Variants in OSBPL3 observed in about 807,000 individuals in gnomAD.
OSBPL3 encodes the protein oxysterol binding protein like 3, also known as oxysterol-binding protein-related protein 3.
A neutral mutation model predicts 120.1 loss-of-function variants in OSBPL3; 65 were observed. That is an observed-to-expected ratio of 0.54 (90% CI 0.44 to 0.67). The LOEUF (loss-of-function observed/expected upper bound fraction) is 0.67, where lower values mean the gene tolerates loss of function less well. Ranked by LOEUF, OSBPL3 falls within the 30% of genes least tolerant of loss-of-function variation. OSBPL3 has a pLI of 0.00. For missense variants in OSBPL3, 1,004 were observed against 1,082.1 expected (o/e 0.93, Z 1.01); for synonymous variants, 416 against 402.6 (o/e 1.03, Z -0.40).
rs566386949 is a variant in OSBPL3 at position 24,805,614 on chromosome 7, C to T, written c.2444+1162G>A. Among the ~76,000 whole-genome samples, 6 of 152,214 alleles carry T rather than the reference C, an allele frequency of 3.9e-5. No individual in the cohort carries two copies. Among genetic ancestry groups the T allele is most frequent in the South Asian group, 4.1e-4 (2 of 4,824 alleles). On this transcript the variant is annotated intron_variant, in intron 21 of 22. Coordinates refer to ENST00000313367, the MANE Select transcript of OSBPL3 (RefSeq NM_015550.4). The surrounding 1 kb of genome is among the most constrained non-coding windows in gnomAD (Gnocchi z 4.0). ...TCCCTAAAAAAGTAGACAAACTGCA[C>T]GAAACAGTACAAGCATAATGTGCAT...
At chr7:24,970,288 G>A (rs940872327) in intron 1 of OSBPL3, among the ~76,000 whole-genome samples, 2 of 151,780 alleles carry the variant, frequency 1.3e-5, no homozygotes, top group Non-Finnish European at 2.9e-5. Context: ...TGTATTTTTA[G>A]TAGAGACTTG....
intron 1 of OSBPL3, among the ~76,000 whole-genome samples, chr7:24,921,412 G>A (rs1304806001): frequency 6.6e-6 from 1 of 152,188 alleles, no homozygotes; most frequent in South Asian, 2.1e-4. Context: ...TTGAGGCTGA[G>A]TTCCAAAAGG....
intron 1 of OSBPL3, among the ~76,000 whole-genome samples, chr7:24,935,978 AC>A (rs1562987948): frequency 6.6e-6 from 1 of 151,822 alleles, no homozygotes; most frequent in Non-Finnish European, 1.5e-5. Flanking sequence ...GGTGTGCTGC[AC>A]CCATTAACTT....
rs1796398359 is a variant in OSBPL3 at position 24,831,827 on chromosome 7, T to TTTTG, written c.1747-926_1747-923dup. On this transcript the variant is annotated intron_variant, in intron 15 of 22. Coordinates refer to ENST00000313367, the MANE Select transcript of OSBPL3 (RefSeq NM_015550.4). The surrounding 1 kb of genome is among the most constrained non-coding windows in gnomAD (Gnocchi z 4.0). ...CTAGTCACATAACCTTCTGCTAAAT[T>TTTTG]TTTGATGTTGCCTGTAATAGGGACC... Among the ~76,000 whole-genome samples, 2 of 152,220 alleles carry TTTTG rather than the reference T, an allele frequency of 1.3e-5. No individual in the cohort carries two copies. Among genetic ancestry groups the TTTTG allele is most frequent in the African/African-American group, 4.8e-5 (2 of 41,460 alleles).
chr7:24,830,252 G>A lies in OSBPL3; in HGVS notation c.1884+516C>T, dbSNP rs979266156. Among the ~76,000 whole-genome samples the A allele has an allele frequency of 3.3e-5, 5 of 152,002 alleles. No individual in the cohort carries two copies. Among genetic ancestry groups the A allele is most frequent in the African/African-American group, 1.2e-4 (5 of 41,372 alleles). On this transcript the variant is annotated intron_variant, in intron 16 of 22. Transcript: ENST00000313367. The surrounding 1 kb of genome is among the most constrained non-coding windows in gnomAD (Gnocchi z 4.4). ...CGGACCCCTCACCCCCCACCCCACT[G>A]CAATATCCTAGCACCTGGAACAGTG...
chr7:24,980,735 C>G (rs562098520), upstream of OSBPL3, among the ~76,000 whole-genome samples: 2 of 152,034 alleles, frequency 1.3e-5, no homozygotes, highest in Admixed American at 6.6e-5. Flanking sequence ...CAGTGTGAGA[C>G]CCGGGGCTCG....
chr7:24,941,230 A>G (rs546674175), intron 1 of OSBPL3, among the ~76,000 whole-genome samples: 1 of 152,318 alleles, frequency 6.6e-6, no homozygotes, highest in African/African-American at 2.4e-5. Flanking sequence ...AAATCCTAAA[A>G]ATTCCAGTCT....
chr7:24,968,022 T>C lies in OSBPL3; in HGVS notation c.-150+11864A>G, dbSNP rs1816584010. On this transcript the variant is annotated intron_variant, in intron 1 of 22. Transcript: ENST00000313367. The surrounding 1 kb of genome is among the most constrained non-coding windows in gnomAD (Gnocchi z 4.6). The stretch of plus-strand genomic sequence containing the variant: ...GAAACTCTGCAGTTACTTTTTGGTT[T>C]GCTTTATATATTTACTTGGAGTAAT... Among the ~76,000 whole-genome samples the C allele has an allele frequency of 6.6e-6, 1 of 152,238 alleles. No individual in the cohort carries two copies. The highest frequency in any genetic ancestry group is 2.1e-4 in the South Asian group (1 of 4,830).
At chr7:24,969,564 T>C (rs1297613346) in intron 1 of OSBPL3, among the ~76,000 whole-genome samples, 1 of 152,190 alleles carries the variant, frequency 6.6e-6, no homozygotes, top group Non-Finnish European at 1.5e-5. Context: ...GTGTATTGTA[T>C]TTTTTTGTAT....
At position 24,896,496 on chromosome 7, in the gene OSBPL3, A is replaced by C. The variant is rs1407296909; in HGVS notation, c.-149-3875T>G. 6.6e-6 allele frequency among the ~76,000 whole-genome samples: 1 copy of C among 152,232 alleles called. No homozygotes were observed. The highest frequency in any genetic ancestry group is 1.9e-4 in the East Asian group (1 of 5,202). On this transcript the variant is annotated intron_variant, in intron 1 of 22. Transcript: ENST00000313367. This position sits in a 1 kb window ranked among gnomAD's most constrained non-coding sequence, Gnocchi z 4.4. ...AAGAGAACCCTGATTTCTACCCAGA[A>C]TGGGGAAGAATAAATGACCAACGCA...
At chr7:24,906,409 G>T in intron 1 of OSBPL3, 1 of 253,800 alleles carries the variant, frequency 3.9e-6, no homozygotes, top group South Asian at 4.6e-5. Context: ...AATGGAGTAG[G>T]AGGAACCTTT....
chr7:24,915,147 C>T (rs551616979), intron 1 of OSBPL3, among the ~76,000 whole-genome samples: 6 of 152,218 alleles, frequency 3.9e-5, no homozygotes, highest in African/African-American at 1.4e-4. Context: ...AAGAGGGTTC[C>T]CACACAGCTC....
rs139913163 is a variant in OSBPL3 at position 24,894,160 on chromosome 7, TAA to T, written c.-149-1541_-149-1540del. On this transcript the variant is annotated intron_variant, in intron 1 of 22. Coordinates refer to ENST00000313367, the MANE Select transcript of OSBPL3 (RefSeq NM_015550.4). This position sits in a 1 kb window ranked among gnomAD's most constrained non-coding sequence, Gnocchi z 4.1. ...TCATTAACACTTAGTTCTTCAAAAA[TAA>T]AAAAGAGTACATTAAAGCAATAAGC... is the stretch of plus-strand genomic sequence containing the variant. Among the ~76,000 whole-genome samples the T allele has an allele frequency of 6.6e-6, 1 of 151,798 alleles. No homozygotes were observed. Among genetic ancestry groups the T allele is most frequent in the African/African-American group, 2.4e-5 (1 of 41,252 alleles).
In OSBPL3 at chr7:24,966,041, C is replaced by T. The variant is rs1266236026; in HGVS notation, c.-150+13845G>A. On this transcript the variant is annotated intron_variant, in intron 1 of 22. Transcript: ENST00000313367. This position sits in a 1 kb window ranked among gnomAD's most constrained non-coding sequence, Gnocchi z 4.8. ...TCCATTGACACCTGGCTAAGTCTCA[C>T]ACAAGTCATCTGAGAGAGAGGAGAA... 2.6e-5 allele frequency among the ~76,000 whole-genome samples: 4 copies of T among 152,162 alleles called. No homozygotes were observed. The highest frequency in any genetic ancestry group is 6.5e-5 in the Admixed American group (1 of 15,282).
chr7:24,976,657 C>T (rs1405551234), intron 1 of OSBPL3, among the ~76,000 whole-genome samples: 2 of 152,182 alleles, frequency 1.3e-5, no homozygotes, highest in Non-Finnish European at 2.9e-5. Flanking sequence ...AGACTTTTTC[C>T]ACCTAACAGT....
rs1389172945 is a variant in OSBPL3 at position 24,804,443 on chromosome 7, G to A, written c.2445-6C>T. Reference sequence around the variant, plus strand: ...AGTTCCCTTCCTCTAGAAACCTGAGGCATCGAGGAAAAAAAAATGAAAGGA... The same window carrying A: ...AGTTCCCTTCCTCTAGAAACCTGAGACATCGAGGAAAAAAAAATGAAAGGA... On this transcript the variant is annotated splice_polypyrimidine_tract_variant and splice_region_variant and intron_variant, in intron 21 of 22. Transcript: ENST00000313367. This position sits in a 1 kb window ranked among gnomAD's most constrained non-coding sequence, Gnocchi z 5.4. The A allele has an allele frequency of 4.3e-6, 7 of 1,610,334 alleles. No homozygotes were observed. The highest frequency in any genetic ancestry group is 5.9e-6 in the Non-Finnish European group (7 of 1,178,664).
In OSBPL3 at chr7:24,946,173, G is replaced by A. The variant is rs1221747255; in HGVS notation, c.-150+33713C>T. 6.6e-6 allele frequency among the ~76,000 whole-genome samples: 1 copy of A among 152,066 alleles called. No homozygotes were observed. Among genetic ancestry groups the A allele is most frequent in the Non-Finnish European group, 1.5e-5 (1 of 68,022 alleles). On this transcript the variant is annotated intron_variant, in intron 1 of 22. Coordinates refer to ENST00000313367, the MANE Select transcript of OSBPL3 (RefSeq NM_015550.4). The surrounding 1 kb of genome is among the most constrained non-coding windows in gnomAD (Gnocchi z 4.3). The stretch of plus-strand genomic sequence containing the variant: ...GGGAGCTCAGCTGGGGCTGCTGGCT[G>A]GGTCACCTACACATGGTTTCTCCAG...
rs781307593 is a variant in OSBPL3 at position 24,955,689 on chromosome 7, T to A, written c.-150+24197A>T. On this transcript the variant is annotated intron_variant, in intron 1 of 22. Transcript: ENST00000313367. The surrounding 1 kb of genome is among the most constrained non-coding windows in gnomAD (Gnocchi z 4.3). ...CCTACTTATCCCTGCTTTAATGTTC[T>A]CCACAGCACTTACTATCACCTGACA... 2.0e-5 allele frequency among the ~76,000 whole-genome samples: 3 copies of A among 152,238 alleles called. No homozygotes were observed. The highest frequency in any genetic ancestry group is 4.4e-5 in the Non-Finnish European group (3 of 68,042).
chr7:24,974,934 T>C (rs1338184504), intron 1 of OSBPL3, among the ~76,000 whole-genome samples: 1 of 152,212 alleles, frequency 6.6e-6, no homozygotes, highest in Non-Finnish European at 1.5e-5. Flanking sequence ...GTTGCACAAC[T>C]CTGAATATAC....
Sources: allele counts gnomAD v4.1 joint callset (sites outside exome capture counted in the v4.1 genomes callset), GRCh38; gene constraint gnomAD v4.1.1; non-coding constraint Gnocchi (gnomAD v3.1); transcripts MANE v1.5; gene names NCBI Gene and HGNC (gene_info 2026-07-23, HGNC 2026-07-21).